The following ACSL3 variants were observed in gnomAD, a reference collection of about 807,000 sequenced individuals.
ACSL3 encodes fatty acid CoA ligase Acsl3.
A neutral mutation model predicts 84.7 loss-of-function variants in ACSL3; 34 were observed. The ratio of observed to expected loss-of-function variants is 0.40; its 90% confidence interval spans 0.31 to 0.53. The LOEUF is 0.53. Among genes scored for constraint, ACSL3 ranks in the 20% least tolerant of loss-of-function variants. The pLI is 0.48. For missense variants in ACSL3, 680 were observed against 873.1 expected (o/e 0.78, Z 2.79); for synonymous variants, 315 against 299.4 (o/e 1.05, Z -0.54).
intron 1 of ACSL3, among the ~76,000 whole-genome samples, chr2:222,867,443 CAT>C (rs1260731090): frequency 2.0e-5 from 3 of 152,180 alleles, no homozygotes; most frequent in South Asian, 2.1e-4. Flanking sequence ...CTTTATTACA[CAT>C]GTGTGTTTCC....
chr2:222,878,475 G>GTGTT (rs1161672734), intron 1 of ACSL3, among the ~76,000 whole-genome samples: 1 of 152,212 alleles, frequency 6.6e-6, no homozygotes, highest in Non-Finnish European at 1.5e-5. Context: ...CTGACAACAA[G>GTGTT]TGTTTGTCTT....
At chr2:222,880,705 C>G (rs1159101636) in intron 1 of ACSL3, among the ~76,000 whole-genome samples, 3 of 151,684 alleles carry the variant, frequency 2.0e-5, no homozygotes, top group African/African-American at 7.3e-5. Context: ...TGGTGGGTGC[C>G]TGGAGTCCCA....
chr2:222,920,415 T>C (rs887720823), intron 7 of ACSL3, among the ~76,000 whole-genome samples: 1 of 152,208 alleles, frequency 6.6e-6, no homozygotes, highest in Non-Finnish European at 1.5e-5. Context: ...CTCTATAGCT[T>C]CTCAGCTGTT....
At chr2:222,879,568 G>C (rs1299665754) in intron 1 of ACSL3, among the ~76,000 whole-genome samples, 4 of 152,172 alleles carry the variant, frequency 2.6e-5, no homozygotes, top group Non-Finnish European at 4.4e-5. Flanking sequence ...CCTGCATCTT[G>C]AAAGATGAGT....
chr2:222,919,295 A>G (rs1696668867), intron 7 of ACSL3, 93 bp downstream of exon 7: 5 of 1,457,090 alleles, frequency 3.4e-6, no homozygotes, highest in Non-Finnish European at 4.6e-6. Context: ...GTTAGCTCAA[A>G]TGACACATCA....
At chr2:222,935,423 G>A (rs552383839) in intron 16 of ACSL3, among the ~76,000 whole-genome samples, 71 of 152,172 alleles carry the variant, frequency 4.7e-4, no homozygotes, top group Non-Finnish European at 7.4e-4. Context: ...GGCCAGGCCA[G>A]TCTTGAACTC....
At chr2:222,876,015 C>A (rs141821948) in intron 1 of ACSL3, among the ~76,000 whole-genome samples, 2 of 152,164 alleles carry the variant, frequency 1.3e-5, no homozygotes, top group South Asian at 2.1e-4. Context: ...AGTAAACATA[C>A]AATCCATAGT....
chr2:222,890,759 A>T (rs1269701621), intron 2 of ACSL3, among the ~76,000 whole-genome samples: 1 of 152,096 alleles, frequency 6.6e-6, no homozygotes, highest in East Asian at 1.9e-4. Context: ...CTTGTGCCTC[A>T]GCCTCCCAAG....
rs181406206 is a variant in ACSL3 at position 222,919,262 on chromosome 2, T to G, written c.805+60T>G. On this transcript the variant is annotated intron_variant, in intron 7 of 16. Coordinates refer to ENST00000357430, the MANE Select transcript of ACSL3 (RefSeq NM_004457.5). The stretch of plus-strand genomic sequence containing the variant: ...TTCTGGTGACCACATTCTCCAGAAT[T>G]ATGCCAAAGTTTTGATTCTGAGGTT... The G allele has an allele frequency of 3.5e-3, 5,438 of 1,572,720 alleles. 24 individuals are homozygous for G. Among genetic ancestry groups the G allele is most frequent in the Middle Eastern group, 8.0e-3 (41 of 5,100 alleles).
At chr2:222,933,132 T>C (rs368633006) in intron 14 of ACSL3, 34 bp from the exon 15 acceptor site, 5 of 1,312,600 alleles carry the variant, frequency 3.8e-6, no homozygotes, top group Non-Finnish European at 4.4e-6. Context: ...TATTACTCAT[T>C]GTTTTCCCCT....
At chr2:222,913,631 A>T (rs1400804167) in intron 4 of ACSL3, among the ~76,000 whole-genome samples, 20 of 152,246 alleles carry the variant, frequency 1.3e-4, no homozygotes, top group Admixed American at 1.2e-3. Flanking sequence ...CACACAGCAT[A>T]AAAATGATTT....
chr2:222,939,253 T>C (rs1016002449), intron 16 of ACSL3, among the ~76,000 whole-genome samples: 1 of 152,236 alleles, frequency 6.6e-6, no homozygotes, highest in Non-Finnish European at 1.5e-5. Flanking sequence ...TGCTTTTGTA[T>C]TGAGAGGACT....
chr2:222,925,264 C>T (rs565747371), intron 11 of ACSL3, among the ~76,000 whole-genome samples: 8 of 148,498 alleles, frequency 5.4e-5, no homozygotes, highest in Admixed American at 2.7e-4. Context: ...TGAACTCCCT[C>T]GGGAGGCAGA....
intron 13 of ACSL3, among the ~76,000 whole-genome samples, chr2:222,929,578 G>A (rs1040910585): frequency 6.6e-5 from 10 of 152,076 alleles, no homozygotes; most frequent in African/African-American, 1.9e-4. Context: ...TCAGGAGTTC[G>A]AGACCAGCCT....
intron 2 of ACSL3, among the ~76,000 whole-genome samples, chr2:222,896,407 C>T (rs1262783051): frequency 4.3e-5 from 1 of 23,010 alleles, no homozygotes; most frequent in Non-Finnish European, 9.2e-5. Context: ...CCGGACGGGG[C>T]GGCTGGCCGG....
At chr2:222,915,636 T>C (rs776128601) in intron 4 of ACSL3, among the ~76,000 whole-genome samples, 4 of 152,230 alleles carry the variant, frequency 2.6e-5, no homozygotes, top group Admixed American at 2.0e-4. Context: ...GCATATTTGG[T>C]ATTACCAGCA....
rs114293576 is a variant in ACSL3, at chr2:222,862,474, A to T, written c.-207+1216A>T. On this transcript the variant is annotated intron_variant, in intron 1 of 16. Coordinates refer to ENST00000357430, the MANE Select transcript of ACSL3 (RefSeq NM_004457.5). Reference sequence around the variant, plus strand: ...ATGATACCTTCTTTCATGTTTATCAACCTATTTTGTTTCCCCAAATTAGTT... The same window carrying T: ...ATGATACCTTCTTTCATGTTTATCATCCTATTTTGTTTCCCCAAATTAGTT... 4.3e-3 allele frequency among the ~76,000 whole-genome samples: 659 copies of T among 152,090 alleles called. 5 individuals carry two copies. Among genetic ancestry groups the T allele is most frequent in the African/African-American group, 0.015 (611 of 41,432 alleles).
At chr2:222,868,739 G>A (rs1174125525) in intron 1 of ACSL3, among the ~76,000 whole-genome samples, 2 of 152,110 alleles carry the variant, frequency 1.3e-5, no homozygotes, top group African/African-American at 4.8e-5. Context: ...CTGAGGTCAG[G>A]AGTTTGAGTC....
rs750314497 is a variant in ACSL3, at chr2:222,923,155, A to G, written c.1152+6A>G. ...CACTGATGGCAGCAGTTCCGGTAAG[A>G]AGTGACCCTTATTTAATATTGAGTA... On this transcript the variant is annotated splice_donor_region_variant and intron_variant, in intron 10 of 16. Transcript: ENST00000357430. 3 of 1,610,904 alleles carry G rather than the reference A, an allele frequency of 1.9e-6. No individual in the cohort carries two copies. The highest frequency in any genetic ancestry group is 2.5e-6 in the Non-Finnish European group (3 of 1,177,180).
Sources: gnomAD v4.1 joint callset for allele counts (sites outside exome capture counted in the v4.1 genomes callset) on GRCh38, gnomAD v4.1.1 for gene constraint, MANE v1.5 for transcripts, NCBI Gene and HGNC (gene_info 2026-07-23, HGNC 2026-07-21) for gene names.